The following MIPOL1 variants were observed in gnomAD, a reference collection of about 807,000 sequenced individuals.
MIPOL1 encodes mirror-image polydactyly gene 1 protein.
MIPOL1 carries 57 observed loss-of-function variants against 60.9 expected under a neutral mutation model. That is an observed-to-expected ratio of 0.94 (90% CI 0.76 to 1.17). The LOEUF is 1.17. Ranked by LOEUF, MIPOL1 falls within the 50% of genes most tolerant of loss-of-function variation. The probability of loss-of-function intolerance (pLI) is 0.00; values close to 1 mark genes in which losing one functional copy is unlikely to be tolerated. For synonymous variants in MIPOL1, 179 were observed against 168.8 expected, an observed-to-expected ratio of 1.06 and a Z score of -0.47; for missense variants, 551 against 511.6, an observed-to-expected ratio of 1.08 and a Z score of -0.74.
At chr14:37,263,783 A>C (rs1388353596) in intron 3 of MIPOL1, among the ~76,000 whole-genome samples, 2 of 152,232 alleles carry the variant, frequency 1.3e-5, no homozygotes, top group Admixed American at 1.3e-4. Context: ...TAAACACTAA[A>C]GTGGATTACT....
At chr14:37,365,166 G>A (rs2092426817) in intron 9 of MIPOL1, among the ~76,000 whole-genome samples, 1 of 152,110 alleles carries the variant, frequency 6.6e-6, no homozygotes, top group Admixed American at 6.5e-5. Context: ...AGGATAATTT[G>A]ACTTCTTCCA....
intron 1 of MIPOL1, among the ~76,000 whole-genome samples, chr14:37,220,800 G>T (rs1968609625): frequency 6.6e-6 from 1 of 152,002 alleles, no homozygotes; most frequent in South Asian, 2.1e-4. Flanking sequence ...TATTAATAGA[G>T]AGTCTCCCTC....
chr14:37,362,040 A>G (rs920918216), intron 9 of MIPOL1, among the ~76,000 whole-genome samples: 6 of 152,114 alleles, frequency 3.9e-5, no homozygotes, highest in African/African-American at 1.4e-4. Context: ...AACACAGCAC[A>G]CTGATGGGTC....
Position 37,233,638 on chromosome 14 carries a change from A to C in MIPOL1, c.-198-13465A>C, listed in dbSNP as rs189294167. Among the ~76,000 whole-genome samples the C allele has an allele frequency of 5.3e-5, 8 of 152,286 alleles. No individual in the cohort carries two copies. The East Asian group carries it at 1.5e-3, about 30-fold the overall frequency. On this transcript the variant is annotated intron_variant, in intron 1 of 12. Transcript: ENST00000684589. ...ACACAAAGAAGTCAGAAGGAGCCAA[A>C]TCAGGACTATAAGGTGAATACTTAA...
chr14:37,489,953 C>T (rs543898104), intron 11 of MIPOL1, among the ~76,000 whole-genome samples: 1 of 152,306 alleles, frequency 6.6e-6, no homozygotes, highest in Admixed American at 6.5e-5. Flanking sequence ...AGGAGGCAGT[C>T]TGACCCTTAG....
intron 3 of MIPOL1, among the ~76,000 whole-genome samples, chr14:37,259,948 C>T (rs1371705940): frequency 6.6e-6 from 1 of 152,000 alleles, no homozygotes; most frequent in Non-Finnish European, 1.5e-5. Flanking sequence ...TATTGTCTGC[C>T]TCCCTCATTC....
intron 1 of MIPOL1, among the ~76,000 whole-genome samples, chr14:37,235,152 AT>A (rs1296670855): frequency 6.6e-6 from 1 of 151,862 alleles, no homozygotes; most frequent in Non-Finnish European, 1.5e-5. Flanking sequence ...GTGTCTTAAT[AT>A]TTTTATGCTG....
At chr14:37,495,165 T>C (rs1282534297) in intron 11 of MIPOL1, among the ~76,000 whole-genome samples, 1 of 150,806 alleles carries the variant, frequency 6.6e-6, no homozygotes, top group Non-Finnish European at 1.5e-5. Flanking sequence ...AGTTTTAGGG[T>C]ACATGGCACA....
intron 11 of MIPOL1, among the ~76,000 whole-genome samples, chr14:37,435,844 C>A (rs1279078802): frequency 6.6e-6 from 1 of 152,214 alleles, no homozygotes; most frequent in East Asian, 1.9e-4. Flanking sequence ...AAGACTCATG[C>A]ATGGTAACCT....
At position 37,258,752 on chromosome 14, in the gene MIPOL1, C is replaced by T. The variant is rs544321518; in HGVS notation, c.20-8186C>T. 2.6e-5 allele frequency among the ~76,000 whole-genome samples: 4 copies of T among 152,120 alleles called. No homozygotes were observed. The South Asian group carries it at 6.2e-4, about 24-fold the overall frequency. ...ATGATAGAATTTCACAAAATACTTA[C>T]GTACTTTAAATAGTTCATACAAAGA... On this transcript the variant is annotated intron_variant, in intron 3 of 12. Transcript: ENST00000684589.
At chr14:37,452,971 T>G (rs1253276685) in intron 11 of MIPOL1, among the ~76,000 whole-genome samples, 2 of 152,234 alleles carry the variant, frequency 1.3e-5, no homozygotes, top group Admixed American at 1.3e-4. Flanking sequence ...CTAAGGAATT[T>G]CTTTTAGAAA....
intron 4 of MIPOL1, 68 bp from the exon 5 acceptor site, chr14:37,268,590 G>A: frequency 8.3e-7 from 1 of 1,205,906 alleles, no homozygotes; most frequent in Non-Finnish European, 1.2e-6. Context: ...CTGTTCTCAA[G>A]TAGCATACAA....
At chr14:37,440,635 T>G (rs2153566003) in intron 11 of MIPOL1, among the ~76,000 whole-genome samples, 1 of 152,326 alleles carries the variant, frequency 6.6e-6, no homozygotes, top group Non-Finnish European at 1.5e-5. Context: ...AGTAGTATTC[T>G]ATTGTGTATA....
At position 37,407,709 on chromosome 14, in the gene MIPOL1, G is replaced by C. The variant is rs139817367; in HGVS notation, c.937-15146G>C. Among the ~76,000 whole-genome samples, 637 of 152,000 alleles carry C rather than the reference G, an allele frequency of 4.2e-3. 5 individuals are homozygous for C. Among genetic ancestry groups the C allele is most frequent in the Middle Eastern group, 0.031 (9 of 292 alleles). On this transcript the variant is annotated intron_variant, in intron 10 of 12. Transcript: ENST00000684589. ...AGACAGGAAGGATATTGTCACACAG[G>C]TAATACTGAGCTTAAAAGTGATAAT...
chr14:37,429,827 A>G (rs1258290895), intron 11 of MIPOL1, among the ~76,000 whole-genome samples: 1 of 151,930 alleles, frequency 6.6e-6, no homozygotes, highest in Non-Finnish European at 1.5e-5. Context: ...ACTAGAATCC[A>G]TGGGGTTTTT....
chr14:37,359,964 A>T (rs954731176), intron 9 of MIPOL1, among the ~76,000 whole-genome samples: 1 of 152,078 alleles, frequency 6.6e-6, no homozygotes, highest in Non-Finnish European at 1.5e-5. Context: ...GTTTGTCATA[A>T]ATAGCTCTTA....
At chr14:37,289,358 C>T (rs1487095546) in intron 7 of MIPOL1, among the ~76,000 whole-genome samples, 4 of 152,178 alleles carry the variant, frequency 2.6e-5, no homozygotes, top group Non-Finnish European at 5.9e-5. Context: ...AGCCTCAGAT[C>T]CCATAGGTTG....
chr14:37,387,850 C>T (rs1376931542), intron 10 of MIPOL1, among the ~76,000 whole-genome samples: 1 of 151,202 alleles, frequency 6.6e-6, no homozygotes, highest in African/African-American at 2.4e-5. Flanking sequence ...TAATATTTTC[C>T]TATGTAATTC....
At chr14:37,358,853 C>G (rs2092031194) in intron 9 of MIPOL1, among the ~76,000 whole-genome samples, 1 of 152,122 alleles carries the variant, frequency 6.6e-6, no homozygotes, top group African/African-American at 2.4e-5. Context: ...TCCTATTTGT[C>G]AATTTTGGCT....
Sources: gnomAD v4.1 joint callset for allele counts (sites outside exome capture counted in the v4.1 genomes callset) on GRCh38, gnomAD v4.1.1 for gene constraint, MANE v1.5 for transcripts, NCBI Gene and HGNC (gene_info 2026-07-23, HGNC 2026-07-21) for gene names.